PPFIBP2: variants seen among roughly 807,000 people sequenced by gnomAD.
The protein encoded by PPFIBP2 is liprin-beta-2.
PPFIBP2 carries 118 observed loss-of-function variants against 118.3 expected under a neutral mutation model. The observed-to-expected ratio is 1.00, with a 90% CI of 0.86 to 1.16. The LOEUF is 1.16. PPFIBP2 is among the 50% of genes most tolerant of loss of function. PPFIBP2 has a pLI of 0.00. For synonymous variants in PPFIBP2, 414 were observed against 397.4 expected, an observed-to-expected ratio of 1.04 and a Z score of -0.50; for missense variants, 1,195 against 1,073.1, an observed-to-expected ratio of 1.11 and a Z score of -1.59.
chr11:7,521,917 A>G (rs984140685), intron 1 of PPFIBP2, among the ~76,000 whole-genome samples: 1 of 152,220 alleles, frequency 6.6e-6, no homozygotes, highest in African/African-American at 2.4e-5. Flanking sequence ...GGTTGGGTGG[A>G]CACTGGGAGA....
intron 10 of PPFIBP2, among the ~76,000 whole-genome samples, chr11:7,630,437 G>C (rs1850605798): frequency 6.6e-6 from 1 of 152,174 alleles, no homozygotes; most frequent in Non-Finnish European, 1.5e-5. Flanking sequence ...TCAGCCTCCT[G>C]AGTAGCCGGG....
At chr11:7,588,466 C>T (rs928456373) in intron 3 of PPFIBP2, among the ~76,000 whole-genome samples, 5 of 152,204 alleles carry the variant, frequency 3.3e-5, no homozygotes, top group Non-Finnish European at 7.3e-5. Context: ...AGAAAATACC[C>T]ACACCTTAGG....
intron 2 of PPFIBP2, among the ~76,000 whole-genome samples, chr11:7,564,336 A>G (rs1443712214): frequency 6.6e-6 from 1 of 152,172 alleles, no homozygotes; most frequent in East Asian, 1.9e-4. Context: ...TACTGGGTAG[A>G]GTGCATGATG....
At chr11:7,642,574 T>C (rs1166115194) in intron 17 of PPFIBP2, 148 bp downstream of exon 17, 1 of 861,834 alleles carries the variant, frequency 1.2e-6, no homozygotes. Context: ...CTACAGTACG[T>C]CATTTCCAGC....
intron 6 of PPFIBP2, among the ~76,000 whole-genome samples, chr11:7,612,603 G>A: frequency 6.6e-6 from 1 of 152,140 alleles, no homozygotes; most frequent in East Asian, 1.9e-4. Context: ...TTTTAAATCT[G>A]AATTTTTTGT....
At chr11:7,662,880 C>T in the PPFIBP2 span, among the ~76,000 whole-genome samples, 98 of 145,916 alleles carry the variant, frequency 6.7e-4, 3 homozygotes, top group South Asian at 4.6e-3. Context: ...CTTCCCTTCT[C>T]GCTTCATTTC....
At chr11:7,517,392 C>T (rs377230907) in intron 1 of PPFIBP2, among the ~76,000 whole-genome samples, 8 of 152,128 alleles carry the variant, frequency 5.3e-5, no homozygotes, top group African/African-American at 1.2e-4. Flanking sequence ...GCGGGGTTAA[C>T]TACAGATAGG....
chr11:7,649,455 T>A lies in PPFIBP2; in HGVS notation c.1999-77T>A, dbSNP rs1306058876. The A allele has an allele frequency of 6.3e-6, 10 of 1,575,534 alleles. No homozygotes were observed. In the African/African-American group the frequency reaches 1.2e-4, roughly 19 times the overall value. On this transcript the variant is annotated intron_variant, in intron 20 of 23. Transcript: ENST00000299492. ...TGAGATGTGGTTGACTTGTCTATGC[T>A]TGGTCTGGTGAGGGACATCAGGGGT...
At chr11:7,515,865 A>G (rs1278566867) in intron 1 of PPFIBP2, among the ~76,000 whole-genome samples, 2 of 152,194 alleles carry the variant, frequency 1.3e-5, no homozygotes, top group African/African-American at 4.8e-5. Context: ...TGTGGAGTGC[A>G]TGGTCTGACA....
chr11:7,538,057 TCAA>T (rs986367639), intron 1 of PPFIBP2, among the ~76,000 whole-genome samples: 3 of 151,980 alleles, frequency 2.0e-5, no homozygotes, highest in African/African-American at 7.3e-5. Context: ...AAGCGAGCAT[TCAA>T]CAACATCAAG....
intron 9 of PPFIBP2, among the ~76,000 whole-genome samples, chr11:7,629,155 G>A (rs1488446690): frequency 6.6e-6 from 1 of 152,178 alleles, no homozygotes; most frequent in Non-Finnish European, 1.5e-5. Context: ...CCAGAAGGCA[G>A]ATTTCAATGG....
chr11:7,658,082 C>T (rs1854802047), downstream of PPFIBP2, among the ~76,000 whole-genome samples: 1 of 152,224 alleles, frequency 6.6e-6, no homozygotes, highest in Non-Finnish European at 1.5e-5. Flanking sequence ...CAGTTTCAAA[C>T]AAGACTCTGC....
At chr11:7,645,339 TG>T (rs141480935) in intron 17 of PPFIBP2, among the ~76,000 whole-genome samples, 10,173 of 152,242 alleles carry the variant, frequency 0.067, 963 homozygotes, top group African/African-American at 0.21. Context: ...CTTCCCATTG[TG>T]CCGATTCGCT....
chr11:7,540,950 G>T (rs1454446123), intron 1 of PPFIBP2, among the ~76,000 whole-genome samples: 1 of 152,182 alleles, frequency 6.6e-6, no homozygotes, highest in African/African-American at 2.4e-5. Flanking sequence ...AAGGCATCTG[G>T]TGAGGATGGG....
intron 2 of PPFIBP2, among the ~76,000 whole-genome samples, chr11:7,554,527 A>G (rs926259093): frequency 6.6e-6 from 1 of 152,164 alleles, no homozygotes; most frequent in Non-Finnish European, 1.5e-5. Context: ...AAACAGTGCA[A>G]ACAGTGCGGG....
intron 4 of PPFIBP2, chr11:7,597,165 T>C: frequency 6.9e-7 from 1 of 1,456,356 alleles, no homozygotes. Flanking sequence ...CCATGAAGTT[T>C]GGACCGCTCT....
chr11:7,566,026 A>G (rs1413788454), intron 3 of PPFIBP2, among the ~76,000 whole-genome samples: 1 of 133,744 alleles, frequency 7.5e-6, no homozygotes, highest in African/African-American at 3.3e-5. Flanking sequence ...GAGAAGGGCA[A>G]ACATTTAAGA....
At chr11:7,562,966 T>TACACACAC (rs1401185159) in intron 2 of PPFIBP2, among the ~76,000 whole-genome samples, 8 of 74,136 alleles carry the variant, frequency 1.1e-4, no homozygotes, top group African/African-American at 4.5e-4. Context: ...TATATATATA[T>TACACACAC]ATATATATAT....
intron 1 of PPFIBP2, among the ~76,000 whole-genome samples, chr11:7,519,214 T>G (rs1038071103): frequency 6.6e-6 from 1 of 151,796 alleles, no homozygotes; most frequent in Non-Finnish European, 1.5e-5. Flanking sequence ...AGAAGATGGT[T>G]GAGAGGGAGA....
Sources: gnomAD v4.1 joint callset for allele counts (sites outside exome capture counted in the v4.1 genomes callset) on GRCh38, gnomAD v4.1.1 for gene constraint, MANE v1.5 for transcripts, NCBI Gene and HGNC (gene_info 2026-07-23, HGNC 2026-07-21) for gene names.